DLC1: variants seen among roughly 807,000 people sequenced by gnomAD.
DLC1 encodes DLC1 Rho GTPase activating protein.
DLC1 carries 54 observed loss-of-function variants against 140.3 expected under a neutral mutation model. That is an observed-to-expected ratio of 0.38 (90% CI 0.31 to 0.48). The LOEUF is 0.48. Ranked by LOEUF, DLC1 falls within the 20% of genes least tolerant of loss-of-function variation. The pLI is 0.96. For missense variants in DLC1, 2,536 were observed against 1,907.0 expected, an observed-to-expected ratio of 1.33 and a Z score of -6.14; for synonymous variants, 986 against 728.1, an observed-to-expected ratio of 1.35 and a Z score of -5.70.
intron 5 of DLC1, among the ~76,000 whole-genome samples, chr8:13,285,082 G>T (rs1831494423): frequency 6.6e-6 from 1 of 152,148 alleles, no homozygotes; most frequent in South Asian, 2.1e-4. Context: ...AAACAATTTT[G>T]AAAGTGAAGA....
intron 2 of DLC1, among the ~76,000 whole-genome samples, chr8:13,444,822 A>G (rs1315732930): frequency 1.3e-5 from 2 of 152,200 alleles, no homozygotes; most frequent in Non-Finnish European, 2.9e-5. Context: ...TTTTTATGCA[A>G]TTTGAAAAAT....
intron 5 of DLC1, among the ~76,000 whole-genome samples, chr8:13,271,076 A>G (rs1739806299): frequency 6.6e-6 from 1 of 152,156 alleles, no homozygotes; most frequent in African/African-American, 2.4e-5. Flanking sequence ...CTCTCATCAA[A>G]GCCACCCTTG....
intron 4 of DLC1, among the ~76,000 whole-genome samples, chr8:13,323,802 AG>A (rs1466547007): frequency 1.3e-5 from 2 of 152,222 alleles, no homozygotes; most frequent in East Asian, 3.8e-4. Flanking sequence ...TGAGACATAA[AG>A]GAGGCATTTT....
chr8:13,410,402 A>C (rs1236726423), intron 2 of DLC1, among the ~76,000 whole-genome samples: 2 of 152,144 alleles, frequency 1.3e-5, no homozygotes, highest in Admixed American at 1.3e-4. Context: ...AACAACAACA[A>C]AACAGAGATG....
chr8:13,219,445 A>G (rs1396230448), intron 5 of DLC1, among the ~76,000 whole-genome samples: 1 of 147,486 alleles, frequency 6.8e-6, no homozygotes, highest in Non-Finnish European at 1.5e-5. Flanking sequence ...TAATTTATAA[A>G]ATATATAAAC....
At chr8:13,558,512 T>G (rs1241330383) in intron 1 of DLC1, 1 of 152,172 alleles carries the variant, frequency 6.6e-6, no homozygotes, top group East Asian at 1.9e-4. Context: ...TATTTGATAT[T>G]TGCATTTTGG....
At chr8:13,383,800 C>A (rs6995045) in intron 4 of DLC1, among the ~76,000 whole-genome samples, 7,679 of 152,188 alleles carry the variant, frequency 0.05, 232 homozygotes, top group South Asian at 0.067. Flanking sequence ...GTTCGAACAC[C>A]AATATTTCAG....
chr8:13,430,245 CT>C (rs1838798258), intron 2 of DLC1, among the ~76,000 whole-genome samples: 1 of 152,164 alleles, frequency 6.6e-6, no homozygotes, highest in Non-Finnish European at 1.5e-5. Flanking sequence ...AACTGAGATT[CT>C]GATCCAATAG....
At chr8:13,240,875 C>A (rs1013869635) in intron 5 of DLC1, among the ~76,000 whole-genome samples, 2 of 152,092 alleles carry the variant, frequency 1.3e-5, no homozygotes, top group African/African-American at 4.8e-5. Flanking sequence ...AAAACCTGAG[C>A]CTTTCCTGGT....
intron 1 of DLC1, among the ~76,000 whole-genome samples, chr8:13,596,126 G>C (rs548174201): frequency 6.6e-6 from 1 of 152,120 alleles, no homozygotes; most frequent in African/African-American, 2.4e-5. Context: ...GATGTAGAGA[G>C]AGTTAACATG....
In DLC1 at chr8:13,412,704, T is replaced by C. The variant is rs1431284456; in HGVS notation, c.1024-11085A>G. Among the ~76,000 whole-genome samples the C allele has an allele frequency of 4.6e-5, 7 of 151,788 alleles. No homozygotes were observed. The East Asian group carries it at 7.8e-4, about 17-fold the overall frequency. On this transcript the variant is annotated intron_variant, in intron 2 of 17. Transcript: ENST00000276297. ...ATCCCAGCACTTTGGGAGGCCGAGGTGGGCGAATCACGAGGTCAGGAGATA... is the reference window on the plus strand; with the variant it reads ...ATCCCAGCACTTTGGGAGGCCGAGGCGGGCGAATCACGAGGTCAGGAGATA...
At position 13,359,721 on chromosome 8, in the gene DLC1, A is replaced by C. The variant is rs541262207; in HGVS notation, c.1314+33832T>G. Among the ~76,000 whole-genome samples, 5 of 152,352 alleles carry C rather than the reference A, an allele frequency of 3.3e-5. No homozygotes were observed. The South Asian group carries it at 8.3e-4, about 25-fold the overall frequency. ...AAGTATACTTAATTGCTTGTTATATATAATAATGACATAAAATGATATAAA... is the reference window on the plus strand; with the variant it reads ...AAGTATACTTAATTGCTTGTTATATCTAATAATGACATAAAATGATATAAA... On this transcript the variant is annotated intron_variant, in intron 4 of 17. Coordinates refer to ENST00000276297, the MANE Select transcript of DLC1 (RefSeq NM_182643.3).
intron 5 of DLC1, among the ~76,000 whole-genome samples, chr8:13,285,533 T>C (rs775897827): frequency 9.2e-5 from 14 of 152,098 alleles, no homozygotes; most frequent in Non-Finnish European, 1.5e-4. Context: ...AAAGAAGATA[T>C]ATGAATGGCC....
intron 5 of DLC1, among the ~76,000 whole-genome samples, chr8:13,278,573 A>G (rs1214131510): frequency 6.6e-6 from 1 of 152,234 alleles, no homozygotes; most frequent in Non-Finnish European, 1.5e-5. Flanking sequence ...TGTTACAGGA[A>G]CACAAAGGAA....
chr8:13,129,612 A>G (rs963310963), intron 5 of DLC1, among the ~76,000 whole-genome samples: 2 of 152,166 alleles, frequency 1.3e-5, no homozygotes, highest in African/African-American at 2.4e-5. Context: ...CTAGATCCCA[A>G]CTCATGTAAT....
At chr8:13,146,309 T>C (rs890110013) in intron 5 of DLC1, among the ~76,000 whole-genome samples, 11 of 151,930 alleles carry the variant, frequency 7.2e-5, no homozygotes, top group African/African-American at 2.7e-4. Context: ...TACGTAATAG[T>C]TGTAGTAATA....
rs144923726 is a variant in DLC1, at chr8:13,100,058, G to A, written c.2279C>T (p.Thr760Met). Residue 760 changes from threonine to methionine, a missense_variant, in exon 9 of 18, where the codon ACG becomes ATG. Coordinates refer to ENST00000276297, the MANE Select transcript of DLC1 (RefSeq NM_182643.3). ...GCACGCACTGAGGCTCCGGGTCCTC[G>A]TAACAGGGCTGGGCGTGCTGACCGC... ...SSAVSTPSPV[T>M]RTRSLSACNK... is the part of the protein sequence containing the mutation. 2 of 1,613,204 alleles carry A rather than the reference G, an allele frequency of 1.2e-6. No homozygotes were observed. The highest frequency in any genetic ancestry group is 1.7e-5 in the Admixed American group (1 of 60,010).
At chr8:13,444,197 T>C (rs1425974120) in intron 2 of DLC1, among the ~76,000 whole-genome samples, 1 of 152,216 alleles carries the variant, frequency 6.6e-6, no homozygotes, top group East Asian at 1.9e-4. Flanking sequence ...TTTTCTCCCA[T>C]TGACAGACAA....
rs7829535 is a variant in DLC1, at chr8:13,092,601, G to A, written c.3740+11C>T. ...CCCCCTGTGTGCATGCACCTCCCAT[G>A]CAGCCCGTACCTGGGAGAGGAATTC... is the stretch of plus-strand genomic sequence containing the variant. On this transcript the variant is annotated intron_variant, in intron 13 of 17. Coordinates refer to ENST00000276297, the MANE Select transcript of DLC1 (RefSeq NM_182643.3). The A allele has an allele frequency of 0.47, 764,525 of 1,612,334 alleles. 187,081 individuals are homozygous for A. Among genetic ancestry groups the A allele is most frequent in the Middle Eastern group, 0.53 (3,122 of 5,932 alleles).
Sources: allele counts gnomAD v4.1 joint callset (sites outside exome capture counted in the v4.1 genomes callset), GRCh38; gene constraint gnomAD v4.1.1; transcripts MANE v1.5; gene names NCBI Gene and HGNC (gene_info 2026-07-23, HGNC 2026-07-21).